The following BARX2 variants were observed in gnomAD, a reference collection of about 807,000 sequenced individuals.
BARX2 encodes the protein BARX homeobox 2.
In BARX2, 11 loss-of-function variants were observed where a neutral mutation model predicts 25.5. The observed-to-expected ratio is 0.43, with a 90% CI of 0.27 to 0.71. The LOEUF (loss-of-function observed/expected upper bound fraction) is 0.71. Ranked by LOEUF, BARX2 falls within the 30% of genes least tolerant of loss-of-function variation. BARX2 has a pLI of 0.19. For synonymous variants in BARX2, 137 were observed against 149.5 expected, an observed-to-expected ratio of 0.92 and a Z score of 0.61; for missense variants, 360 against 359.9, an observed-to-expected ratio of 1.00 and a Z score of 0.00.
Position 129,376,352 on chromosome 11 carries a change from C to A in BARX2, c.187+130C>A. The A allele has an allele frequency of 1.0e-6, 1 of 968,514 alleles. No homozygotes were observed. Among genetic ancestry groups the A allele is most frequent in the Non-Finnish European group, 1.5e-6 (1 of 670,790 alleles). The allele number at this position is 968,514 out of a possible 1,614,324, so 60.0% of individuals were successfully genotyped here. A position where few individuals can be genotyped will look rare whatever the true frequency, so the allele number is the denominator to read the frequency against. On this transcript the variant is annotated intron_variant, in intron 1 of 3. Transcript: ENST00000281437. The surrounding 1 kb of genome is among the most constrained non-coding windows in gnomAD (Gnocchi z 4.2). ...GATTCTTTTCCTGCGCCTCAGCAAGCGGTGGGCATTGCAAAGGCATCTGCG... is the reference window on the plus strand; with the variant it reads ...GATTCTTTTCCTGCGCCTCAGCAAGAGGTGGGCATTGCAAAGGCATCTGCG...
Position 129,439,359 on chromosome 11 carries a change from A to G in BARX2, c.488+2308A>G, listed in dbSNP as rs1322855956. Reference sequence around the variant, plus strand: ...TTTGTTACATAGGTATACACGTGCCATGGTGGTTTACTGCACCCATCAACC... The same window carrying G: ...TTTGTTACATAGGTATACACGTGCCGTGGTGGTTTACTGCACCCATCAACC... On this transcript the variant is annotated intron_variant, in intron 2 of 3. Coordinates refer to ENST00000281437, the MANE Select transcript of BARX2 (RefSeq NM_003658.5). 3.9e-5 allele frequency among the ~76,000 whole-genome samples: 6 copies of G among 152,202 alleles called. No individual in the cohort carries two copies. The South Asian group carries it at 1.0e-3, about 26-fold the overall frequency.
intron 2 of BARX2, among the ~76,000 whole-genome samples, chr11:129,439,039 G>A (rs1246142860): frequency 3.3e-5 from 5 of 152,166 alleles, no homozygotes. Context: ...GGTGGACCTC[G>A]TATGCCTGGC....
chr11:129,436,614 C>T lies in BARX2; in HGVS notation c.188-137C>T. ...TGTAGGTCTTGAGTTACCTCTCCTT[C>T]CCCTTCCTCCATCTGTACCTCCTTA... On this transcript the variant is annotated intron_variant, in intron 1 of 3. Transcript: ENST00000281437. The surrounding 1 kb of genome is among the most constrained non-coding windows in gnomAD (Gnocchi z 4.5). The T allele has an allele frequency of 1.0e-6, 1 of 952,580 alleles. No homozygotes were observed. The highest frequency in any genetic ancestry group is 1.5e-6 in the Non-Finnish European group (1 of 646,192). 59.0% of individuals were successfully genotyped at this position (952,580 alleles called of 1,614,324 possible). A position where few individuals can be genotyped will look rare whatever the true frequency, so the allele number is the denominator to read the frequency against.
At chr11:129,431,168 G>A (rs544606419) in intron 1 of BARX2, among the ~76,000 whole-genome samples, 8 of 152,260 alleles carry the variant, frequency 5.3e-5, no homozygotes, top group South Asian at 2.1e-4. Context: ...GTAGTATTTC[G>A]TTGTGTGTCT....
chr11:129,443,631 C>T (rs780751993), intron 3 of BARX2, among the ~76,000 whole-genome samples: 11 of 152,212 alleles, frequency 7.2e-5, no homozygotes, highest in Non-Finnish European at 1.6e-4. Context: ...TTTCCATCAT[C>T]CTGCTCTAGT....
intron 1 of BARX2, among the ~76,000 whole-genome samples, chr11:129,380,693 G>T (rs562362539): frequency 6.6e-6 from 1 of 152,268 alleles, no homozygotes; most frequent in South Asian, 2.1e-4. Context: ...ATAGAGGGAT[G>T]CACGGGATCT....
chr11:129,449,406 A>G (rs1301035336), intron 3 of BARX2, among the ~76,000 whole-genome samples: 1 of 139,244 alleles, frequency 7.2e-6, no homozygotes, highest in African/African-American at 2.7e-5. Context: ...ATACAAATAT[A>G]GAAGACAAGA....
Position 129,390,018 on chromosome 11 carries a change from T to A in BARX2, c.187+13796T>A, listed in dbSNP as rs559381076. ...GCCTGAGGAAGAGTTCCATGTGGAT[T>A]TTTTTGGGATTGTGTTTCTCAGCTG... On this transcript the variant is annotated intron_variant, in intron 1 of 3. Transcript: ENST00000281437. The surrounding 1 kb of genome is among the most constrained non-coding windows in gnomAD (Gnocchi z 4.3). Among the ~76,000 whole-genome samples the A allele has an allele frequency of 6.6e-6, 1 of 152,270 alleles. No individual in the cohort carries two copies. The highest frequency in any genetic ancestry group is 1.9e-4 in the East Asian group (1 of 5,170).
intron 1 of BARX2, among the ~76,000 whole-genome samples, chr11:129,424,596 C>T (rs545127850): frequency 4.3e-4 from 65 of 152,342 alleles, no homozygotes; most frequent in Middle Eastern, 3.4e-3. Context: ...ACACTTCCTA[C>T]ACCACTCAGC....
chr11:129,377,676 T>G (rs1387715538), intron 1 of BARX2, among the ~76,000 whole-genome samples: 1 of 152,250 alleles, frequency 6.6e-6, no homozygotes, highest in African/African-American at 2.4e-5. Context: ...AATATTGTTT[T>G]GAGCACAAAT....
intron 1 of BARX2, among the ~76,000 whole-genome samples, chr11:129,410,746 G>T (rs903815790): frequency 3.9e-5 from 6 of 152,156 alleles, no homozygotes; most frequent in African/African-American, 1.4e-4. Flanking sequence ...CCAGCAGGTG[G>T]GGTGAAGATA....
intron 1 of BARX2, among the ~76,000 whole-genome samples, chr11:129,404,846 C>T (rs1299248394): frequency 6.6e-6 from 1 of 152,180 alleles, no homozygotes; most frequent in Non-Finnish European, 1.5e-5. Flanking sequence ...ATGGAGCACT[C>T]TCTCAGCCTG....
chr11:129,388,328 G>A (rs974608185), intron 1 of BARX2, among the ~76,000 whole-genome samples: 1 of 152,244 alleles, frequency 6.6e-6, no homozygotes, highest in South Asian at 2.1e-4. Context: ...GTGATTGGGA[G>A]ATTGCAGACC....
chr11:129,420,154 A>G (rs1456089764), intron 1 of BARX2, among the ~76,000 whole-genome samples: 1 of 152,048 alleles, frequency 6.6e-6, no homozygotes, highest in African/African-American at 2.4e-5. Flanking sequence ...AACGCAATCC[A>G]AGGTCTACTG....
At chr11:129,379,928 T>A (rs1413396393) in intron 1 of BARX2, among the ~76,000 whole-genome samples, 1 of 152,074 alleles carries the variant, frequency 6.6e-6, no homozygotes, top group Non-Finnish European at 1.5e-5. Context: ...TAACCTATAA[T>A]CTAATTCTTT....
chr11:129,448,761 C>G lies in BARX2; in HGVS notation c.574-2375C>G, dbSNP rs190402247. Among the ~76,000 whole-genome samples, 7 of 152,332 alleles carry G rather than the reference C, an allele frequency of 4.6e-5. No homozygotes were observed. The East Asian group carries it at 1.3e-3, about 29-fold the overall frequency. On this transcript the variant is annotated intron_variant, in intron 3 of 3. Coordinates refer to ENST00000281437, the MANE Select transcript of BARX2 (RefSeq NM_003658.5). ...TCCAGCAATTCAATTTCACTTCTTT[C>G]CCATGTTCACAGCCGCTTCATTCAC...
intron 1 of BARX2, among the ~76,000 whole-genome samples, chr11:129,387,978 G>C (rs1366980792): frequency 6.6e-6 from 1 of 152,184 alleles, no homozygotes; most frequent in African/African-American, 2.4e-5. Flanking sequence ...ATAAGTGGCA[G>C]GGTTGAGATT....
chr11:129,435,436 C>A (rs139529577), intron 1 of BARX2, among the ~76,000 whole-genome samples: 83 of 152,316 alleles, frequency 5.4e-4, no homozygotes, highest in African/African-American at 1.9e-3. Flanking sequence ...GAAATGCCAA[C>A]CCAGAGAAGA....
intron 1 of BARX2, among the ~76,000 whole-genome samples, chr11:129,384,500 A>G (rs1861600254): frequency 6.6e-6 from 1 of 152,206 alleles, no homozygotes; most frequent in African/African-American, 2.4e-5. Context: ...ACTGAGACTC[A>G]GGATGATGGG....
Sources: gnomAD v4.1 joint callset for allele counts (sites outside exome capture counted in the v4.1 genomes callset) on GRCh38, gnomAD v4.1.1 for gene constraint, Gnocchi (gnomAD v3.1) non-coding constraint, MANE v1.5 for transcripts, NCBI Gene and HGNC (gene_info 2026-07-23, HGNC 2026-07-21) for gene names.